The following FBXL17 variants were observed in gnomAD, a reference collection of about 807,000 sequenced individuals.
The protein encoded by FBXL17 is F-box/LRR-repeat protein 17.
Under a neutral mutation model 66.2 loss-of-function variants are expected in FBXL17, and 22 were observed. The ratio of observed to expected loss-of-function variants is 0.33; its 90% CI spans 0.24 to 0.47. The LOEUF (loss-of-function observed/expected upper bound fraction) is 0.47. Ranked by LOEUF, FBXL17 falls within the 20% of genes least tolerant of loss-of-function variation. The probability of loss-of-function intolerance (pLI) is 1.00; values close to 1 mark genes in which losing one functional copy is unlikely to be tolerated. For synonymous variants in FBXL17, 474 were observed against 400.5 expected (o/e 1.18, Z -2.19); for missense variants, 878 against 948.2 (o/e 0.93, Z 0.97).
chr5:108,216,760 G>GA (rs1754616006), intron 5 of FBXL17, among the ~76,000 whole-genome samples: 1 of 151,996 alleles, frequency 6.6e-6, no homozygotes, highest in South Asian at 2.1e-4. Flanking sequence ...AGCAGCCTGA[G>GA]AAAAAATTCA....
chr5:107,998,978 T>C (rs998740332), intron 7 of FBXL17, among the ~76,000 whole-genome samples: 1 of 152,214 alleles, frequency 6.6e-6, no homozygotes, highest in African/African-American at 2.4e-5. Flanking sequence ...GCGAATACCA[T>C]GCCCTTCCCA....
chr5:107,995,924 A>T (rs1370112757), intron 7 of FBXL17, among the ~76,000 whole-genome samples: 1 of 152,234 alleles, frequency 6.6e-6, no homozygotes, highest in Non-Finnish European at 1.5e-5. Context: ...CAGAATCTGT[A>T]GTTGATGAAA....
chr5:108,138,517 T>C (rs1035326129), intron 6 of FBXL17, among the ~76,000 whole-genome samples: 2 of 152,206 alleles, frequency 1.3e-5, no homozygotes, highest in Non-Finnish European at 2.9e-5. Context: ...ACATCTCCTC[T>C]TCAATTGGTC....
At chr5:108,350,065 G>A (rs531306301) in intron 3 of FBXL17, among the ~76,000 whole-genome samples, 4 of 152,176 alleles carry the variant, frequency 2.6e-5, no homozygotes, top group Admixed American at 2.6e-4. Flanking sequence ...CATTAAAAGA[G>A]GCATATATAT....
chr5:108,081,328 T>C (rs1483847423), intron 6 of FBXL17, among the ~76,000 whole-genome samples: 1 of 152,164 alleles, frequency 6.6e-6, no homozygotes, highest in Non-Finnish European at 1.5e-5. Flanking sequence ...TTCAGTTGGT[T>C]GGGGAGCCTG....
At chr5:108,022,057 A>G (rs1183247308) in intron 6 of FBXL17, among the ~76,000 whole-genome samples, 1 of 151,942 alleles carries the variant, frequency 6.6e-6, no homozygotes, top group Non-Finnish European at 1.5e-5. Flanking sequence ...TTTACTTCAC[A>G]TAATTCATTA....
At chr5:108,196,344 A>T (rs1376869616) in intron 5 of FBXL17, among the ~76,000 whole-genome samples, 1 of 152,132 alleles carries the variant, frequency 6.6e-6, no homozygotes, top group African/African-American at 2.4e-5. Context: ...TCTCAGCCCC[A>T]GTGTATGTCC....
intron 4 of FBXL17, among the ~76,000 whole-genome samples, chr5:108,341,157 C>T (rs979536637): frequency 2.6e-5 from 4 of 151,894 alleles, no homozygotes; most frequent in African/African-American, 7.3e-5. Context: ...TAATAGAATA[C>T]TAACAATGAA....
At chr5:108,316,062 C>T (rs1759348419) in intron 4 of FBXL17, among the ~76,000 whole-genome samples, 1 of 151,362 alleles carries the variant, frequency 6.6e-6, no homozygotes, top group South Asian at 2.1e-4. Context: ...AATAAAATCT[C>T]TTTGAATGAG....
intron 7 of FBXL17, among the ~76,000 whole-genome samples, chr5:107,966,237 G>A (rs1752132246): frequency 6.6e-6 from 1 of 152,092 alleles, no homozygotes; most frequent in African/African-American, 2.4e-5. Context: ...ATGGCTCAAA[G>A]GGATAAGCCC....
rs183831335 is a variant in FBXL17, at chr5:108,143,532, C to T, written c.1745+42585G>A. Among the ~76,000 whole-genome samples, 12 of 152,222 alleles carry T rather than the reference C, an allele frequency of 7.9e-5. No individual in the cohort carries two copies. The East Asian group carries it at 2.3e-3, about 29-fold the overall frequency. ...CAGTCTTCTGATTCTACCTTGCTCT[C>T]TTCTCTCTTCTGCTTTACCAACATC... On this transcript the variant is annotated intron_variant, in intron 6 of 8. Transcript: ENST00000542267.
chr5:107,938,905 AC>A (rs1750999256), intron 7 of FBXL17, among the ~76,000 whole-genome samples: 1 of 152,148 alleles, frequency 6.6e-6, no homozygotes, highest in Admixed American at 6.6e-5. Context: ...TTGAATATAA[AC>A]CCAGTTATTC....
intron 6 of FBXL17, among the ~76,000 whole-genome samples, chr5:108,050,451 C>T (rs560698815): frequency 6.6e-6 from 1 of 152,274 alleles, no homozygotes; most frequent in South Asian, 2.1e-4. Context: ...GAACAACCTG[C>T]TCCTGAATGG....
chr5:108,186,608 A>G (rs902402130), intron 5 of FBXL17, among the ~76,000 whole-genome samples: 4 of 151,970 alleles, frequency 2.6e-5, no homozygotes, highest in African/African-American at 9.6e-5. Flanking sequence ...CATCTCTACT[A>G]AAATACAAAA....
chr5:107,906,601 C>T (rs566772903), intron 7 of FBXL17, among the ~76,000 whole-genome samples: 1 of 152,092 alleles, frequency 6.6e-6, no homozygotes, highest in Non-Finnish European at 1.5e-5. Context: ...GGACTGGAGT[C>T]CAGGTCTGTC....
Position 108,009,308 on chromosome 5 carries a change from T to TAGATAGATAGATACACAC in FBXL17, c.1822+11616_1822+11617insGTGTGTATCTATCTATCT. Among the ~76,000 whole-genome samples the TAGATAGATAGATACACAC allele has an allele frequency of 4.7e-5, 2 of 42,210 alleles. 1 individual carries two copies. The highest frequency in any genetic ancestry group is 9.4e-5 in the Non-Finnish European group (2 of 21,350). 27.7% of individuals were successfully genotyped at this position (42,210 alleles called of 152,430 possible). On this transcript the variant is annotated intron_variant, in intron 7 of 8. Transcript: ENST00000542267. Reference sequence around the variant, plus strand: ...ATATATATATATATATATACATATATACATACACATATAGTTTTGCTTTTG... The same window carrying TAGATAGATAGATACACAC: ...ATATATATATATATATATACATATATAGATAGATAGATACACACACATACACATATAGTTTTGCTTTTG...
chr5:107,992,229 T>A (rs1753281098), intron 7 of FBXL17, among the ~76,000 whole-genome samples: 1 of 152,130 alleles, frequency 6.6e-6, no homozygotes, highest in South Asian at 2.1e-4. Flanking sequence ...TTTACAGAGT[T>A]TAATGATCAA....
At chr5:108,009,893 G>A (rs774902443) in intron 7 of FBXL17, among the ~76,000 whole-genome samples, 11 of 152,136 alleles carry the variant, frequency 7.2e-5, no homozygotes, top group Non-Finnish European at 1.2e-4. Context: ...TAAGATCAAC[G>A]TGTGGGATCT....
intron 7 of FBXL17, among the ~76,000 whole-genome samples, chr5:107,980,311 T>A (rs1177289320): frequency 6.6e-6 from 1 of 152,080 alleles, no homozygotes; most frequent in African/African-American, 2.4e-5. Flanking sequence ...ATAATCATCT[T>A]TCTATTTAAA....
Sources: gnomAD v4.1 joint callset for allele counts (sites outside exome capture counted in the v4.1 genomes callset) on GRCh38, gnomAD v4.1.1 for gene constraint, MANE v1.5 for transcripts, NCBI Gene and HGNC (gene_info 2026-07-23, HGNC 2026-07-21) for gene names.